The following SLC8A1 variants were observed in gnomAD, a reference collection of about 807,000 sequenced individuals.
SLC8A1 encodes solute carrier family 8 member A1.
SLC8A1 carries 18 observed loss-of-function variants against 68.3 expected under a neutral mutation model. That is an observed-to-expected ratio of 0.26 (90% CI 0.18 to 0.39). SLC8A1 has a LOEUF of 0.39. Among genes scored for constraint, SLC8A1 ranks in the 10% least tolerant of loss-of-function variants. The probability of loss-of-function intolerance (pLI) is 1.00; values close to 1 mark genes in which losing one functional copy is unlikely to be tolerated. For synonymous variants in SLC8A1, 475 were observed against 415.5 expected (o/e 1.14, Z -1.74); for missense variants, 985 against 1,156.7 (o/e 0.85, Z 2.15).
At chr2:40,400,279 A>G (rs1688319612) in intron 2 of SLC8A1, among the ~76,000 whole-genome samples, 1 of 152,164 alleles carries the variant, frequency 6.6e-6, no homozygotes, top group Non-Finnish European at 1.5e-5. Context: ...AACTTGTATC[A>G]TTCATCACTA....
intron 2 of SLC8A1, among the ~76,000 whole-genome samples, chr2:40,285,835 A>G (rs889345772): frequency 3.3e-5 from 5 of 152,206 alleles, no homozygotes; most frequent in African/African-American, 1.2e-4. Flanking sequence ...TAAAAAATAT[A>G]TATTATAGAT....
intron 2 of SLC8A1, among the ~76,000 whole-genome samples, chr2:40,337,667 C>G (rs1430817156): frequency 2.6e-5 from 4 of 152,132 alleles, no homozygotes; most frequent in Non-Finnish European, 4.4e-5. Flanking sequence ...GGTTTCCATT[C>G]CATTTATTTT....
At chr2:40,261,513 A>C (rs2064696514) in intron 2 of SLC8A1, among the ~76,000 whole-genome samples, 1 of 152,172 alleles carries the variant, frequency 6.6e-6, no homozygotes, top group African/African-American at 2.4e-5. Context: ...GGTGACTTCA[A>C]TCCCAAGGTC....
intron 4 of SLC8A1, among the ~76,000 whole-genome samples, chr2:40,168,354 G>A (rs1421232420): frequency 6.6e-6 from 1 of 152,152 alleles, no homozygotes; most frequent in African/African-American, 2.4e-5. Flanking sequence ...TAGATAGGAG[G>A]TGGTGGAATG....
chr2:40,392,426 A>G (rs1259552793), intron 2 of SLC8A1, among the ~76,000 whole-genome samples: 1 of 152,070 alleles, frequency 6.6e-6, no homozygotes, highest in Non-Finnish European at 1.5e-5. Context: ...AGGAAGAGAA[A>G]TATCTTGGGA....
At chr2:40,154,110 C>CCCTA (rs1276242869) in intron 6 of SLC8A1, among the ~76,000 whole-genome samples, 1 of 152,022 alleles carries the variant, frequency 6.6e-6, no homozygotes, top group Non-Finnish European at 1.5e-5. Flanking sequence ...AGTTGTGTGA[C>CCCTA]CCTACACAAG....
chr2:40,340,224 C>T (rs1381872894), intron 2 of SLC8A1, among the ~76,000 whole-genome samples: 3 of 152,148 alleles, frequency 2.0e-5, no homozygotes, highest in Non-Finnish European at 4.4e-5. Flanking sequence ...CTATTTCAAA[C>T]TTCTGGTCCT....
chr2:40,273,548 G>T (rs2066316671), intron 2 of SLC8A1, among the ~76,000 whole-genome samples: 1 of 152,116 alleles, frequency 6.6e-6, no homozygotes, highest in African/African-American at 2.4e-5. Context: ...TTGATTTGAA[G>T]GACAACCAGT....
chr2:40,386,277 T>G (rs1038859822), intron 2 of SLC8A1, among the ~76,000 whole-genome samples: 8 of 151,280 alleles, frequency 5.3e-5, no homozygotes, highest in Non-Finnish European at 8.8e-5. Flanking sequence ...GTTTAGATAT[T>G]TTCCAGAATT....
At chr2:40,491,121 A>G (rs1297146574) in intron 1 of SLC8A1, among the ~76,000 whole-genome samples, 2 of 152,146 alleles carry the variant, frequency 1.3e-5, no homozygotes, top group Non-Finnish European at 2.9e-5. Context: ...TGAAAGCCTT[A>G]GGAAGTCATC....
At chr2:40,326,872 G>C (rs1284793680) in intron 2 of SLC8A1, among the ~76,000 whole-genome samples, 1 of 152,178 alleles carries the variant, frequency 6.6e-6, no homozygotes, top group African/African-American at 2.4e-5. Context: ...GGAAACAAGA[G>C]AAGGATCCTA....
At chr2:40,175,609 T>C (rs570731274) in intron 3 of SLC8A1, among the ~76,000 whole-genome samples, 1 of 152,236 alleles carries the variant, frequency 6.6e-6, no homozygotes, top group African/African-American at 2.4e-5. Flanking sequence ...GTAAATCTAG[T>C]TTACCAAATA....
intron 2 of SLC8A1, among the ~76,000 whole-genome samples, chr2:40,284,540 AT>A (rs2068001894): frequency 1.4e-5 from 2 of 146,284 alleles, no homozygotes; most frequent in South Asian, 4.2e-4. Flanking sequence ...TAACATCTCT[AT>A]TTATATATAT....
intron 2 of SLC8A1, among the ~76,000 whole-genome samples, chr2:40,228,723 T>G (rs1312851519): frequency 6.6e-6 from 1 of 152,184 alleles, no homozygotes; most frequent in African/African-American, 2.4e-5. Context: ...GCAGAAATGG[T>G]AGGCGAGCCT....
At chr2:40,496,041 T>C (rs1454288527) in intron 1 of SLC8A1, among the ~76,000 whole-genome samples, 1 of 152,082 alleles carries the variant, frequency 6.6e-6, no homozygotes, top group Non-Finnish European at 1.5e-5. Flanking sequence ...AAGTGTTCTT[T>C]GGAAAACTCT....
chr2:40,319,999 G>A (rs1355291094), intron 2 of SLC8A1, among the ~76,000 whole-genome samples: 2 of 152,068 alleles, frequency 1.3e-5, no homozygotes, highest in Non-Finnish European at 2.9e-5. Flanking sequence ...CCCTTTTAAA[G>A]CTGTTACATG....
At chr2:40,455,956 A>G (rs56307721), upstream of SLC8A1, among the ~76,000 whole-genome samples, 77,775 of 151,114 alleles carry the variant, frequency 0.51, 20,473 homozygotes, top group Middle Eastern at 0.58. Flanking sequence ...CTGAGTCGCC[A>G]ATGAATTTGT....
At chr2:40,350,858 C>A (rs1670863518) in intron 2 of SLC8A1, among the ~76,000 whole-genome samples, 1 of 151,888 alleles carries the variant, frequency 6.6e-6, no homozygotes, top group Non-Finnish European at 1.5e-5. Context: ...TCAAAATAAT[C>A]ATGTAAAGAA....
chr2:40,163,033 C>T (rs952586576), intron 5 of SLC8A1, among the ~76,000 whole-genome samples: 5 of 152,112 alleles, frequency 3.3e-5, no homozygotes, highest in Admixed American at 6.5e-5. Context: ...ATGCCCCTAA[C>T]GTGCCTTGTA....
Sources: allele counts gnomAD v4.1 joint callset (sites outside exome capture counted in the v4.1 genomes callset), GRCh38; gene constraint gnomAD v4.1.1; transcripts MANE v1.5; gene names NCBI Gene and HGNC (gene_info 2026-07-23, HGNC 2026-07-21).